Variants in MANBA observed in about 807,000 individuals in gnomAD.
MANBA encodes the protein mannosidase beta.
Under a neutral mutation model 111.1 loss-of-function variants are expected in MANBA, and 83 were observed. That is an observed-to-expected ratio of 0.75 (90% CI 0.63 to 0.90). MANBA has a LOEUF of 0.90. Among genes scored for constraint, MANBA ranks in the 40% least tolerant of loss-of-function variants. MANBA has a pLI of 0.00. For missense variants in MANBA, 1,036 were observed against 1,069.0 expected, an observed-to-expected ratio of 0.97 and a Z score of 0.43; for synonymous variants, 370 against 378.7, an observed-to-expected ratio of 0.98 and a Z score of 0.27.
chr4:102,664,903 T>C (rs1250322366), intron 10 of MANBA, 51 bp from the exon 11 acceptor site: 1 of 1,410,682 alleles, frequency 7.1e-7, no homozygotes, highest in Admixed American at 1.7e-5. Context: ...ACATAAAAAA[T>C]TCAGAGCTAT....
chr4:102,752,199 C>A (rs1723833729), intron 1 of MANBA: 2 of 832,736 alleles, frequency 2.4e-6, no homozygotes, highest in Admixed American at 3.4e-5. Context: ...ATCTGCAGTG[C>A]ATCTTGGGAC....
At chr4:102,664,893 A>G in intron 10 of MANBA, 41 bp from the exon 11 acceptor site, 1 of 1,488,050 alleles carries the variant, frequency 6.7e-7, no homozygotes, top group Non-Finnish European at 9.4e-7. Flanking sequence ...CAAAGAGTTA[A>G]CATAAAAAAT....
chr4:102,714,731 C>T (rs1383855954), intron 4 of MANBA, among the ~76,000 whole-genome samples, 170 bp from the exon 5 acceptor site: 1 of 152,214 alleles, frequency 6.6e-6, no homozygotes, highest in South Asian at 2.1e-4. Context: ...TATTTTCTCA[C>T]AGTGAAGTCC....
chr4:102,737,052 A>C (rs1023858511), intron 1 of MANBA, among the ~76,000 whole-genome samples: 1 of 152,200 alleles, frequency 6.6e-6, no homozygotes, highest in Non-Finnish European at 1.5e-5. Flanking sequence ...AGCACCGGAA[A>C]GAGCGAGTCC....
intron 6 of MANBA, among the ~76,000 whole-genome samples, chr4:102,690,000 G>A (rs1169012944): frequency 6.6e-6 from 1 of 151,940 alleles, no homozygotes; most frequent in Non-Finnish European, 1.5e-5. Context: ...ACTTAAAATG[G>A]GACTCTGAAG....
rs751860000 is a variant in MANBA, at chr4:102,657,800, C to T, written c.1586G>A (p.Gly529Asp). 6.2e-7 allele frequency: 1 copy of T among 1,613,642 alleles called. No individual in the cohort carries two copies. The highest frequency in any genetic ancestry group is 2.2e-5 in the East Asian group (1 of 44,882). ...GATATAGTCATAAAAATGTACATCA[C>T]CAAAATAATTGCTATTAGGGTTTTG... ...VSQNPNSNYF[G>D]DVHFYDYISD... The change falls in exon 12 of 17, where the codon GGT (glycine) becomes GAT (aspartate). Residue 529 changes from glycine to aspartate, a missense_variant. Gly to Asp is a moderately conservative substitution (Grantham distance 94). Transcript: ENST00000647097.
intron 1 of MANBA, among the ~76,000 whole-genome samples, chr4:102,755,719 C>G (rs1159428249): frequency 1.3e-5 from 2 of 152,144 alleles, no homozygotes; most frequent in East Asian, 1.9e-4. Context: ...TACAATCTAT[C>G]CATCTGACAA....
chr4:102,672,964 A>G (rs1731558582), intron 8 of MANBA, among the ~76,000 whole-genome samples: 1 of 152,182 alleles, frequency 6.6e-6, no homozygotes, highest in South Asian at 2.1e-4. Flanking sequence ...TTGTGGCACA[A>G]GTAGCTAAAA....
chr4:102,699,496 G>C (rs1732906776), intron 5 of MANBA, among the ~76,000 whole-genome samples: 1 of 150,348 alleles, frequency 6.7e-6, no homozygotes. Context: ...CTGTGGGTTT[G>C]TCATAGATAG....
chr4:102,707,905 AAC>A (rs753985712), intron 5 of MANBA, among the ~76,000 whole-genome samples: 22 of 152,122 alleles, frequency 1.4e-4, no homozygotes, highest in Non-Finnish European at 3.1e-4. Context: ...AAACAGTAAA[AAC>A]AGACAAAAAA....
chr4:102,632,287 A>G lies in MANBA; in HGVS notation c.2416-6T>C. 6.5e-7 allele frequency: 1 copy of G among 1,535,338 alleles called. No individual in the cohort carries two copies. Among genetic ancestry groups the G allele is most frequent in the Non-Finnish European group, 8.8e-7 (1 of 1,134,648 alleles). On this transcript the variant is annotated splice_region_variant and splice_polypyrimidine_tract_variant and intron_variant, in intron 16 of 16. Coordinates refer to ENST00000647097, the MANE Select transcript of MANBA (RefSeq NM_005908.4). ...CCTTGCTGAGAGATGATGGCCTGAA[A>G]AAGAAAAAAAAAAATGAATGAAGTG...
chr4:102,686,024 T>C (rs1732195370), intron 7 of MANBA, among the ~76,000 whole-genome samples: 1 of 152,124 alleles, frequency 6.6e-6, no homozygotes, highest in Non-Finnish European at 1.5e-5. Context: ...TATTTCAGGC[T>C]CCAGCTCGAG....
At chr4:102,640,399 G>A (rs1284086361) in intron 13 of MANBA, among the ~76,000 whole-genome samples, 1 of 152,150 alleles carries the variant, frequency 6.6e-6, no homozygotes, top group East Asian at 1.9e-4. Flanking sequence ...GATTTCTCAT[G>A]AATGCAATTC....
intron 7 of MANBA, among the ~76,000 whole-genome samples, chr4:102,688,742 C>A (rs1224258661): frequency 6.6e-6 from 1 of 152,178 alleles, no homozygotes; most frequent in African/African-American, 2.4e-5. Flanking sequence ...TAACAAAGTG[C>A]AGTTCTTTCC....
intron 1 of MANBA, 142 bp downstream of exon 1, chr4:102,760,576 A>G (rs1461668665): frequency 2.1e-6 from 2 of 941,240 alleles, no homozygotes; most frequent in Non-Finnish European, 3.1e-6. Flanking sequence ...TTCCCCCCGC[A>G]GATCACAAGA....
At position 102,631,956 on chromosome 4, in the gene MANBA, G is replaced by T; in HGVS notation, c.*101C>A. On this transcript the variant is annotated 3_prime_UTR_variant, in exon 17 of 17. Coordinates refer to ENST00000647097, the MANE Select transcript of MANBA (RefSeq NM_005908.4). ...CAAATGCGTGGCAGCACGCAGACAT[G>T]TCTCTCGGCTTCTCTCCTTGTCTCT... The T allele has an allele frequency of 3.0e-6, 3 of 1,010,188 alleles. No individual in the cohort carries two copies. Among genetic ancestry groups the T allele is most frequent in the Non-Finnish European group, 4.6e-6 (3 of 645,610 alleles). 62.6% of individuals were successfully genotyped at this position (1,010,188 alleles called of 1,614,324 possible).
chr4:102,728,176 C>A (rs986778985), intron 1 of MANBA: 5 of 539,224 alleles, frequency 9.3e-6, no homozygotes, highest in Non-Finnish European at 1.9e-5. Context: ...CATGCCCCTG[C>A]TCTATGTGAG....
At chr4:102,724,054 A>G in intron 2 of MANBA, 87 bp from the exon 3 acceptor site, 1 of 736,680 alleles carries the variant, frequency 1.4e-6, no homozygotes, top group Non-Finnish European at 2.3e-6. Context: ...GCCTAAAGAA[A>G]TAAATATTCC....
Position 102,671,495 on chromosome 4 carries a change from A to G in MANBA, c.1113-97T>C, listed in dbSNP as rs6812484. On this transcript the variant is annotated intron_variant, in intron 8 of 16. Coordinates refer to ENST00000647097, the MANE Select transcript of MANBA (RefSeq NM_005908.4). ...CTAATCTGTTAGAAAAACACACTCT[A>G]AAATCATGATGGTTTGGTTACAATG... 0.021 allele frequency: 15,792 copies of G among 747,092 alleles called. 1,392 individuals carry two copies. In the African/African-American group the frequency reaches 0.21, roughly 10 times the overall value. The allele number at this position is 747,092 out of a possible 1,614,324, so 46.3% of individuals were successfully genotyped here. A position where few individuals can be genotyped will look rare whatever the true frequency, so the allele number is the denominator to read the frequency against.
Sources: allele counts gnomAD v4.1 joint callset (sites outside exome capture counted in the v4.1 genomes callset), GRCh38; gene constraint gnomAD v4.1.1; transcripts MANE v1.5; gene names NCBI Gene and HGNC (gene_info 2026-07-23, HGNC 2026-07-21).